The following TTBK2 variants were observed in gnomAD, a reference collection of about 807,000 sequenced individuals.
TTBK2 encodes tau tubulin kinase 2.
Under a neutral mutation model 110.8 loss-of-function variants are expected in TTBK2, and 28 were observed. The ratio of observed to expected loss-of-function variants is 0.25; its 90% confidence interval spans 0.19 to 0.35. The LOEUF (loss-of-function observed/expected upper bound fraction) is 0.35, where lower values mean the gene tolerates loss of function less well. TTBK2 is among the 10% of genes least tolerant of loss of function. The pLI is 1.00. For synonymous variants in TTBK2, 532 were observed against 527.3 expected (o/e 1.01, Z -0.12); for missense variants, 1,369 against 1,500.3 (o/e 0.91, Z 1.45).
intron 3 of TTBK2, among the ~76,000 whole-genome samples, chr15:42,860,642 T>TG (rs1399606814): frequency 9.4e-6 from 1 of 106,048 alleles, no homozygotes; most frequent in African/African-American, 4.0e-5. Context: ...TATTCTTTCT[T>TG]TTTTTTTTTT....
intron 3 of TTBK2, among the ~76,000 whole-genome samples, chr15:42,847,129 C>A (rs1429749589): frequency 6.6e-6 from 1 of 152,204 alleles, no homozygotes; most frequent in Non-Finnish European, 1.5e-5. Flanking sequence ...GTCAGAAGTA[C>A]AGTTTAAGCC....
At chr15:42,747,877 C>G (rs2061817176) in intron 14 of TTBK2, among the ~76,000 whole-genome samples, 1 of 152,058 alleles carries the variant, frequency 6.6e-6, no homozygotes. Flanking sequence ...TGCAATATCA[C>G]TAACTACTTG....
chr15:42,870,108 AG>A (rs1355904287), intron 3 of TTBK2, among the ~76,000 whole-genome samples: 1 of 152,090 alleles, frequency 6.6e-6, no homozygotes, highest in African/African-American at 2.4e-5. Flanking sequence ...CAGGAGGCGG[AG>A]GTTGCAGTGA....
chr15:42,775,024 T>C lies in TTBK2; in HGVS notation c.1998+111A>G, dbSNP rs575007065. 144 of 1,132,882 alleles carry C rather than the reference T, an allele frequency of 1.3e-4. No homozygotes were observed. The African/African-American group carries it at 2.1e-3, about 16-fold the overall frequency. 70.2% of individuals were successfully genotyped at this position (1,132,882 alleles called of 1,614,324 possible). A position where few individuals can be genotyped will look rare whatever the true frequency, so the allele number is the denominator to read the frequency against. Reference sequence around the variant, plus strand: ...TAGTACAAAATCACTCCCTGGGCCATCTGCAAAATTTAGGCCTGTACTGAA... The same window carrying C: ...TAGTACAAAATCACTCCCTGGGCCACCTGCAAAATTTAGGCCTGTACTGAA... On this transcript the variant is annotated intron_variant, in intron 13 of 14. Transcript: ENST00000267890.
At chr15:42,861,804 G>T (rs1894168606) in intron 3 of TTBK2, among the ~76,000 whole-genome samples, 1 of 152,046 alleles carries the variant, frequency 6.6e-6, no homozygotes, top group African/African-American at 2.4e-5. Flanking sequence ...GAAATAAAGA[G>T]CTAATTTGTC....
At chr15:42,837,928 C>A (rs1292112349) in intron 4 of TTBK2, among the ~76,000 whole-genome samples, 1 of 152,130 alleles carries the variant, frequency 6.6e-6, no homozygotes, top group Admixed American at 6.5e-5. Flanking sequence ...AAGAAACCTG[C>A]TGGGCGCGGT....
intron 3 of TTBK2, among the ~76,000 whole-genome samples, chr15:42,855,732 T>C (rs1003996891): frequency 1.3e-5 from 2 of 152,248 alleles, no homozygotes; most frequent in Non-Finnish European, 2.9e-5. Context: ...TCGCCCAGGC[T>C]GGAGTGCAGT....
At position 42,803,087 on chromosome 15, in the gene TTBK2, T is replaced by C. The variant is rs147423430; in HGVS notation, c.822+7527A>G. On this transcript the variant is annotated intron_variant, in intron 9 of 14. Transcript: ENST00000267890. ...ACCCTGTGATCATGTGAGTTAATACTTAATAAATTCCCCTTTATATATATA... is the reference window on the plus strand; with the variant it reads ...ACCCTGTGATCATGTGAGTTAATACCTAATAAATTCCCCTTTATATATATA... Among the ~76,000 whole-genome samples the C allele has an allele frequency of 3.5e-3, 540 of 152,326 alleles. 2 individuals are homozygous for C. The highest frequency in any genetic ancestry group is 6.1e-3 in the Non-Finnish European group (414 of 68,016).
chr15:42,805,799 A>G lies in TTBK2; in HGVS notation c.822+4815T>C, dbSNP rs534161548. Among the ~76,000 whole-genome samples, 8 of 152,324 alleles carry G rather than the reference A, an allele frequency of 5.3e-5. No homozygotes were observed. In the South Asian group the frequency reaches 1.7e-3, roughly 32 times the overall value. On this transcript the variant is annotated intron_variant, in intron 9 of 14. Transcript: ENST00000267890. ...AGGCCTGCTGTAAAACCCCTAAGCC[A>G]TCATCCACACTATACCCTTTCCTGA... is the stretch of plus-strand genomic sequence containing the variant.
intron 1 of TTBK2, among the ~76,000 whole-genome samples, chr15:42,890,459 T>C (rs1895412796): frequency 6.6e-6 from 1 of 152,208 alleles, no homozygotes; most frequent in Non-Finnish European, 1.5e-5. Flanking sequence ...TCTCTTCACC[T>C]GTATCCTCAT....
chr15:42,757,647 T>A (rs1457186116), intron 13 of TTBK2, among the ~76,000 whole-genome samples: 1 of 152,246 alleles, frequency 6.6e-6, no homozygotes, highest in African/African-American at 2.4e-5. Flanking sequence ...TAAGTGTAGC[T>A]GCAAAGAGCT....
At chr15:42,790,935 G>C (rs1453002182) in intron 10 of TTBK2, among the ~76,000 whole-genome samples, 1 of 152,074 alleles carries the variant, frequency 6.6e-6, no homozygotes, top group Non-Finnish European at 1.5e-5. Flanking sequence ...CCAGGCTGGA[G>C]TGCAGTGGCT....
At chr15:42,882,215 C>T (rs1317024678) in intron 1 of TTBK2, among the ~76,000 whole-genome samples, 1 of 151,680 alleles carries the variant, frequency 6.6e-6, no homozygotes, top group Non-Finnish European at 1.5e-5. Context: ...ATACAATAAG[C>T]ACAACACACA....
At chr15:42,905,717 T>G (rs1173000814) in intron 1 of TTBK2, among the ~76,000 whole-genome samples, 1 of 152,134 alleles carries the variant, frequency 6.6e-6, no homozygotes. Context: ...AAATAGAGAT[T>G]AAGACCAGAC....
chr15:42,887,393 T>C (rs1255349323), intron 1 of TTBK2, among the ~76,000 whole-genome samples: 1 of 152,120 alleles, frequency 6.6e-6, no homozygotes, highest in Admixed American at 6.6e-5. Flanking sequence ...TACTCCCTCC[T>C]TGGCAATAAA....
chr15:42,832,150 T>A (rs1370806126), intron 4 of TTBK2, among the ~76,000 whole-genome samples: 4 of 152,150 alleles, frequency 2.6e-5, no homozygotes, highest in African/African-American at 9.7e-5. Flanking sequence ...GTTAAATAAG[T>A]GACAGTCTAC....
At chr15:42,870,325 A>G (rs1894566359) in intron 3 of TTBK2, among the ~76,000 whole-genome samples, 1 of 152,164 alleles carries the variant, frequency 6.6e-6, no homozygotes. Flanking sequence ...ATATGGGGTG[A>G]AATGCTAAGG....
intron 4 of TTBK2, among the ~76,000 whole-genome samples, chr15:42,836,012 T>G (rs1892970933): frequency 6.6e-6 from 1 of 152,182 alleles, no homozygotes; most frequent in Admixed American, 6.5e-5. Context: ...GTTACAGCAC[T>G]TGAAAAAATG....
At chr15:42,769,355 T>C (rs868608026) in intron 13 of TTBK2, among the ~76,000 whole-genome samples, 1 of 152,176 alleles carries the variant, frequency 6.6e-6, no homozygotes, top group African/African-American at 2.4e-5. Context: ...ATTTTTGCAA[T>C]CTACTCATCT....
Sources: allele counts gnomAD v4.1 joint callset (sites outside exome capture counted in the v4.1 genomes callset), GRCh38; gene constraint gnomAD v4.1.1; transcripts MANE v1.5; gene names NCBI Gene and HGNC (gene_info 2026-07-23, HGNC 2026-07-21).